Variants in EXOC4 observed in about 807,000 individuals in gnomAD.
The protein encoded by EXOC4 is exocyst complex component 4.
Under a neutral mutation model 107.2 loss-of-function variants are expected in EXOC4, and 71 were observed. That is an observed-to-expected ratio of 0.66 (90% CI 0.55 to 0.81). The LOEUF (loss-of-function observed/expected upper bound fraction) is 0.81. Among genes scored for constraint, EXOC4 ranks in the 30% least tolerant of loss-of-function variants. EXOC4 has a pLI of 0.00. For synonymous variants in EXOC4, 456 were observed against 441.2 expected, an observed-to-expected ratio of 1.03 and a Z score of -0.42; for missense variants, 1,108 against 1,189.6, an observed-to-expected ratio of 0.93 and a Z score of 1.01.
At chr7:133,711,377 G>C (rs1401140320) in intron 10 of EXOC4, among the ~76,000 whole-genome samples, 1 of 152,148 alleles carries the variant, frequency 6.6e-6, no homozygotes, top group Non-Finnish European at 1.5e-5. Flanking sequence ...AAAATAGAGA[G>C]AGTTTCATGG....
the EXOC4 span, among the ~76,000 whole-genome samples, chr7:134,099,316 G>T: frequency 6.6e-6 from 1 of 151,904 alleles, no homozygotes; most frequent in Non-Finnish European, 1.5e-5. Flanking sequence ...CTTTGTCCCT[G>T]AAGCAGGCCA....
At chr7:133,433,230 C>T (rs1356188475) in intron 7 of EXOC4, among the ~76,000 whole-genome samples, 1 of 152,172 alleles carries the variant, frequency 6.6e-6, no homozygotes, top group African/African-American at 2.4e-5. Context: ...AGCAAATATT[C>T]ATTCCCTAAC....
At chr7:133,928,140 G>A (rs989077094) in intron 13 of EXOC4, among the ~76,000 whole-genome samples, 2 of 151,510 alleles carry the variant, frequency 1.3e-5, no homozygotes, top group East Asian at 1.9e-4. Flanking sequence ...TTCCATTAAG[G>A]TGGACATTTA....
intron 13 of EXOC4, among the ~76,000 whole-genome samples, chr7:133,927,210 C>T (rs1402715643): frequency 6.6e-6 from 1 of 151,320 alleles, no homozygotes; most frequent in Non-Finnish European, 1.5e-5. Flanking sequence ...AAGAAATTCC[C>T]TTTGGAAAGC....
intron 9 of EXOC4, among the ~76,000 whole-genome samples, chr7:133,596,792 C>T (rs1318299775): frequency 6.6e-6 from 1 of 152,154 alleles, no homozygotes; most frequent in Non-Finnish European, 1.5e-5. Flanking sequence ...CCAGCAAAGG[C>T]TCATCTCTTT....
At chr7:133,464,235 A>T (rs1027284124) in intron 7 of EXOC4, among the ~76,000 whole-genome samples, 7 of 152,356 alleles carry the variant, frequency 4.6e-5, no homozygotes, top group African/African-American at 1.7e-4. Flanking sequence ...TTACATAGGT[A>T]AACGTGTGCT....
rs1237179631 is a variant in EXOC4, at chr7:133,823,919, A to G, written c.1734+6375A>G. ...TTTATATATATATATATAAATATAT[A>G]TATAAATTATATATATATTATATAT... On this transcript the variant is annotated intron_variant, in intron 11 of 17. Transcript: ENST00000253861. 6.7e-5 allele frequency among the ~76,000 whole-genome samples: 5 copies of G among 74,630 alleles called. 1 individual carries two copies. Among genetic ancestry groups the G allele is most frequent in the African/African-American group, 3.1e-4 (5 of 16,142 alleles). 49.0% of individuals were successfully genotyped at this position (74,630 alleles called of 152,430 possible).
At chr7:133,604,789 T>TCTTG (rs1801899728) in intron 9 of EXOC4, among the ~76,000 whole-genome samples, 1 of 140,890 alleles carries the variant, frequency 7.1e-6, no homozygotes, top group African/African-American at 2.6e-5. Flanking sequence ...AGTGGTGCAA[T>TCTTG]CTTGGCTCAC....
intron 7 of EXOC4, among the ~76,000 whole-genome samples, chr7:133,427,128 A>AT (rs574789405): frequency 2.6e-4 from 40 of 151,966 alleles, no homozygotes; most frequent in African/African-American, 5.8e-4. Context: ...CAAGATAATC[A>AT]TTTTTTTGCA....
chr7:133,944,334 G>A (rs191377483), intron 14 of EXOC4, among the ~76,000 whole-genome samples: 1 of 152,114 alleles, frequency 6.6e-6, no homozygotes, highest in Admixed American at 6.6e-5. Flanking sequence ...TGTTTTTTGT[G>A]ACCTTGAGAG....
intron 14 of EXOC4, among the ~76,000 whole-genome samples, chr7:133,972,515 T>C (rs1801266397): frequency 1.3e-5 from 2 of 152,230 alleles, no homozygotes; most frequent in Admixed American, 1.3e-4. Context: ...TCTTAACTAA[T>C]ACAAATAGGT....
At chr7:133,865,605 A>T (rs552969356) in intron 11 of EXOC4, among the ~76,000 whole-genome samples, 120 of 152,306 alleles carry the variant, frequency 7.9e-4, no homozygotes, top group African/African-American at 2.7e-3. Flanking sequence ...AATGAGGTTT[A>T]ATTGACTCAC....
intron 7 of EXOC4, among the ~76,000 whole-genome samples, chr7:133,436,728 A>G (rs1181523078): frequency 6.6e-6 from 1 of 152,192 alleles, no homozygotes; most frequent in Non-Finnish European, 1.5e-5. Flanking sequence ...ATTAATGTGC[A>G]CTATATGGAA....
chr7:133,704,071 G>C lies in EXOC4; in HGVS notation c.1514+73930G>C, dbSNP rs1794719073. Among the ~76,000 whole-genome samples the C allele has an allele frequency of 3.3e-5, 5 of 152,102 alleles. No homozygotes were observed. The South Asian group carries it at 1.0e-3, about 32-fold the overall frequency. ...TACCATTAAGAGGCATGTGTTCACTGTGACACTGATCAATCCACTCTTTCA... is the reference window on the plus strand; with the variant it reads ...TACCATTAAGAGGCATGTGTTCACTCTGACACTGATCAATCCACTCTTTCA... On this transcript the variant is annotated intron_variant, in intron 10 of 17. Transcript: ENST00000253861.
intron 13 of EXOC4, among the ~76,000 whole-genome samples, chr7:133,925,929 C>T (rs1236684178): frequency 6.6e-6 from 1 of 151,296 alleles, no homozygotes; most frequent in Non-Finnish European, 1.5e-5. Flanking sequence ...ATCCCAGCTA[C>T]TCAGGAGGCT....
chr7:133,459,614 T>C (rs1798542866), intron 7 of EXOC4, among the ~76,000 whole-genome samples: 2 of 152,078 alleles, frequency 1.3e-5, no homozygotes, highest in African/African-American at 4.8e-5. Flanking sequence ...CTGTGATAAA[T>C]GGAAAATGGG....
chr7:134,085,390 A>C, the EXOC4 span, among the ~76,000 whole-genome samples: 1 of 152,212 alleles, frequency 6.6e-6, no homozygotes, highest in Non-Finnish European at 1.5e-5. Context: ...GCTTGCAAAA[A>C]ATCCAAGGAG....
In EXOC4 at chr7:133,818,702, C is replaced by T. The variant is rs970380068; in HGVS notation, c.1734+1158C>T. Among the ~76,000 whole-genome samples the T allele has an allele frequency of 6.6e-5, 10 of 152,204 alleles. No homozygotes were observed. The East Asian group carries it at 7.7e-4, about 12-fold the overall frequency. On this transcript the variant is annotated intron_variant, in intron 11 of 17. Transcript: ENST00000253861. ...TCTTCCTTCTGCTGGATATCTCTTC[C>T]GGCTCTTTGCATGGCTGGGGTCTTC...
intron 2 of EXOC4, among the ~76,000 whole-genome samples, chr7:133,286,563 A>T (rs1318730426): frequency 1.3e-5 from 2 of 152,172 alleles, no homozygotes; most frequent in Admixed American, 1.3e-4. Context: ...GGAAGCTCAG[A>T]ACATGTTATG....
Sources: allele counts gnomAD v4.1 joint callset (sites outside exome capture counted in the v4.1 genomes callset), GRCh38; gene constraint gnomAD v4.1.1; transcripts MANE v1.5; gene names NCBI Gene and HGNC (gene_info 2026-07-23, HGNC 2026-07-21).